The following GNG13 variants were observed in gnomAD, a reference collection of about 807,000 sequenced individuals.
GNG13 encodes the protein guanine nucleotide-binding protein G(I)/G(S)/G(O) subunit gamma-13.
Under a neutral mutation model 8.2 loss-of-function variants are expected in GNG13, and 12 were observed. The ratio of observed to expected loss-of-function variants is 1.47; its 90% CI spans 0.94 to 2.38. The LOEUF (loss-of-function observed/expected upper bound fraction) is 2.38. Ranked by LOEUF, GNG13 falls within the 30% of genes most tolerant of loss-of-function variation. The pLI is 0.00. For synonymous variants in GNG13, 45 were observed against 33.0 expected (o/e 1.37, Z -1.25); for missense variants, 100 against 85.2 (o/e 1.17, Z -0.68).
At chr16:799,621 G>A (rs996185528) in intron 1 of GNG13, among the ~76,000 whole-genome samples, 1 of 152,212 alleles carries the variant, frequency 6.6e-6, no homozygotes, top group Non-Finnish European at 1.5e-5. Context: ...TGGCAGGTGG[G>A]GTGTGTGCTC....
At position 798,492 on chromosome 16, in the gene GNG13, G is replaced by T; in HGVS notation, c.*227C>A. 1.6e-6 allele frequency: 1 copy of T among 616,456 alleles called. No homozygotes were observed. The highest frequency in any genetic ancestry group is 1.7e-5 in the South Asian group (1 of 59,330). 38.2% of individuals were successfully genotyped at this position (616,456 alleles called of 1,614,324 possible). ...GGGAGTGGGACTCACAGGATGGAGT[G>T]AATGGGGCTGGGCATAGTCTTACAA... On this transcript the variant is annotated 3_prime_UTR_variant, in exon 3 of 3. Coordinates refer to ENST00000248150, the MANE Select transcript of GNG13 (RefSeq NM_016541.3).
intron 1 of GNG13, among the ~76,000 whole-genome samples, chr16:799,660 C>T (rs373491019): frequency 6.6e-6 from 1 of 152,280 alleles, no homozygotes; most frequent in East Asian, 1.9e-4. Flanking sequence ...GCTATACTAC[C>T]CGAGTCTGGG....
Position 798,686 on chromosome 16 carries a change from A to G in GNG13, c.*33T>C. On this transcript the variant is annotated 3_prime_UTR_variant, in exon 3 of 3. Transcript: ENST00000248150. ...TGGGAGTGGGGCCGGGCGTGGTCTCACAGGATGGTGTGAGAGGGGCCGGGT... is the reference window on the plus strand; with the variant it reads ...TGGGAGTGGGGCCGGGCGTGGTCTCGCAGGATGGTGTGAGAGGGGCCGGGT... 1 of 1,335,320 alleles carries G rather than the reference A, an allele frequency of 7.5e-7. No homozygotes were observed. Among genetic ancestry groups the G allele is most frequent in the Non-Finnish European group, 1.1e-6 (1 of 927,054 alleles). 82.7% of individuals were successfully genotyped at this position (1,335,320 alleles called of 1,614,324 possible). A position where few individuals can be genotyped will look rare whatever the true frequency, so the allele number is the denominator to read the frequency against.
intron 2 of GNG13, 52 bp downstream of exon 2, chr16:798,928 G>C: frequency 7.3e-7 from 1 of 1,373,472 alleles, no homozygotes; most frequent in Non-Finnish European, 1.0e-6. Context: ...GAAATGAGCA[G>C]CCAGCGCAGG....
chr16:798,139 T>C lies in GNG13; in HGVS notation c.*580A>G. ...TGGGGCCGGGCGTGGGCTCATAGGA[T>C]GGTGTGAGTGGGGCCAGGAGTGGGG... is the stretch of plus-strand genomic sequence containing the variant. On this transcript the variant is annotated 3_prime_UTR_variant, in exon 3 of 3. Transcript: ENST00000248150. The C allele has an allele frequency of 1.1e-6, 1 of 911,238 alleles. No homozygotes were observed. Among genetic ancestry groups the C allele is most frequent in the African/African-American group, 1.8e-5 (1 of 55,968 alleles). The allele number at this position is 911,238 out of a possible 1,614,324, so 56.4% of individuals were successfully genotyped here.
At chr16:799,761 A>C (rs1182226871) in intron 1 of GNG13, among the ~76,000 whole-genome samples, 1 of 152,100 alleles carries the variant, frequency 6.6e-6, no homozygotes. Flanking sequence ...AGCCTGGGAA[A>C]GCCACAGGTT....
chr16:799,298 C>G (rs2151653949), intron 1 of GNG13, among the ~76,000 whole-genome samples, 187 bp from the exon 2 acceptor site: 1 of 152,332 alleles, frequency 6.6e-6, no homozygotes, highest in South Asian at 2.1e-4. Flanking sequence ...AAGGCCCCAG[C>G]TCCCGCCTCC....
At chr16:799,180 C>T (rs1023115251) in intron 1 of GNG13, 69 bp from the exon 2 acceptor site, 10 of 715,104 alleles carry the variant, frequency 1.4e-5, no homozygotes, top group Admixed American at 4.0e-5. Context: ...CGCTGCTCCC[C>T]GCAGGCCTGA....
At position 798,642 on chromosome 16, in the gene GNG13, G is replaced by C. The variant is rs144067803; in HGVS notation, c.*77C>G. ...CACAGGATGGAGTGAGTGGGGCTGG[G>C]CACAGTCTTACAAGATGGTGGGAGT... On this transcript the variant is annotated 3_prime_UTR_variant, in exon 3 of 3. Coordinates refer to ENST00000248150, the MANE Select transcript of GNG13 (RefSeq NM_016541.3). 1.1e-6 allele frequency: 1 copy of C among 896,020 alleles called. No individual in the cohort carries two copies. Among genetic ancestry groups the C allele is most frequent in the East Asian group, 2.4e-5 (1 of 40,896 alleles). 55.5% of individuals were successfully genotyped at this position (896,020 alleles called of 1,614,324 possible).
intron 2 of GNG13, 47 bp from the exon 3 acceptor site, chr16:798,871 G>A (rs760339851): frequency 7.1e-7 from 1 of 1,409,934 alleles, no homozygotes; most frequent in South Asian, 1.2e-5. Context: ...TGACCCCCGA[G>A]GGCCTCCTGC....
chr16:800,683 G>A lies in GNG13; in HGVS notation c.-52C>T, dbSNP rs1002647091. ...GGACCTACCTTGAAAAGGTGACAGC[G>A]GAGGGACAATGACAACGGCCAGGCG... On this transcript the variant is annotated 5_prime_UTR_variant, in exon 1 of 3. Transcript: ENST00000248150. The A allele has an allele frequency of 2.6e-5, 4 of 152,272 alleles. No individual in the cohort carries two copies. Among genetic ancestry groups the A allele is most frequent in the Admixed American group, 2.0e-4 (3 of 15,290 alleles). 9.4% of individuals were successfully genotyped at this position (152,272 alleles called of 1,614,324 possible). A position where few individuals can be genotyped will look rare whatever the true frequency, so the allele number is the denominator to read the frequency against.
At chr16:799,380 G>T (rs566031989) in intron 1 of GNG13, among the ~76,000 whole-genome samples, 2 of 152,170 alleles carry the variant, frequency 1.3e-5, no homozygotes, top group African/African-American at 4.8e-5. Context: ...CACACCTTAC[G>T]AAGATCCCTT....
rs376340351 is a variant in GNG13, at chr16:798,271, C to G, written c.*448G>C. On this transcript the variant is annotated 3_prime_UTR_variant, in exon 3 of 3. Coordinates refer to ENST00000248150, the MANE Select transcript of GNG13 (RefSeq NM_016541.3). ...GTGAATGGGGCCGGGCACAGTCTTA[C>G]AAGATGTTGTGAGTGGGGCCGGGAG... is the stretch of plus-strand genomic sequence containing the variant. The G allele has an allele frequency of 1.9e-6, 1 of 522,984 alleles. No homozygotes were observed. The highest frequency in any genetic ancestry group is 3.3e-5 in the Admixed American group (1 of 30,568). The allele number at this position is 522,984 out of a possible 1,614,324, so 32.4% of individuals were successfully genotyped here. A position where few individuals can be genotyped will look rare whatever the true frequency, so the allele number is the denominator to read the frequency against.
chr16:798,299 G>T lies in GNG13; in HGVS notation c.*420C>A. ...GATGTTGTGAGTGGGGCCGGGAGTG[G>T]GGCTCACAGGTTGGTGTGAGTGGGG... On this transcript the variant is annotated 3_prime_UTR_variant, in exon 3 of 3. Transcript: ENST00000248150. 1.9e-6 allele frequency: 1 copy of T among 534,276 alleles called. No individual in the cohort carries two copies. Among genetic ancestry groups the T allele is most frequent in the Non-Finnish European group, 3.4e-6 (1 of 294,668 alleles). The allele number at this position is 534,276 out of a possible 1,614,324, so 33.1% of individuals were successfully genotyped here. A position where few individuals can be genotyped will look rare whatever the true frequency, so the allele number is the denominator to read the frequency against.
chr16:798,559 G>T lies in GNG13; in HGVS notation c.*160C>A. On this transcript the variant is annotated 3_prime_UTR_variant, in exon 3 of 3. Transcript: ENST00000248150. ...CCGGGAGTGGGGCTCACAGGTTGGT[G>T]TGAGTGGGGCCGGGCATGGGCTCAC... The T allele has an allele frequency of 1.4e-6, 1 of 734,092 alleles. No homozygotes were observed. Among genetic ancestry groups the T allele is most frequent in the East Asian group, 2.5e-5 (1 of 40,198 alleles). The allele number at this position is 734,092 out of a possible 1,614,324, so 45.5% of individuals were successfully genotyped here.
intron 1 of GNG13, among the ~76,000 whole-genome samples, chr16:800,204 C>T (rs1408553213): frequency 6.6e-6 from 1 of 152,130 alleles, no homozygotes; most frequent in African/African-American, 2.4e-5. Flanking sequence ...CTCCCGGAGA[C>T]TCTGGAGTTC....
In GNG13 at chr16:799,027, C is replaced by T. The variant is rs529563295; in HGVS notation, c.51G>A (p.Lys17=). The part of the protein sequence containing the change: ...PQMKKEVESL[K]YQLAFQREMA... ...TCTCCCGCTGGAAGGCCAGCTGGTA[C>T]TTGAGGCTCTCCACCTCTTTCTTCA... The change falls in exon 2 of 3, where the codon AAG becomes AAA. Residue 17 remains lysine (K), a synonymous_variant. Coordinates refer to ENST00000248150, the MANE Select transcript of GNG13 (RefSeq NM_016541.3). 12 of 1,611,868 alleles carry T rather than the reference C, an allele frequency of 7.4e-6. No homozygotes were observed. The African/African-American group carries it at 1.6e-4, about 21-fold the overall frequency.
chr16:800,626 G>C (rs553023969), intron 1 of GNG13, 40 bp downstream of exon 1: 1 of 152,244 alleles, frequency 6.6e-6, no homozygotes. Flanking sequence ...AGGGGCCTCC[G>C]GGCCCTCCCT....
intron 1 of GNG13, among the ~76,000 whole-genome samples, chr16:800,299 G>C (rs930641837): frequency 3.9e-5 from 6 of 152,166 alleles, no homozygotes; most frequent in Non-Finnish European, 7.4e-5. Context: ...GACTAGCTGC[G>C]TGCGGGTCCT....
Sources: allele counts gnomAD v4.1 joint callset (sites outside exome capture counted in the v4.1 genomes callset), GRCh38; gene constraint gnomAD v4.1.1; transcripts MANE v1.5; gene names NCBI Gene and HGNC (gene_info 2026-07-23, HGNC 2026-07-21).